Variants in UBR3 observed in about 807,000 individuals in gnomAD.
UBR3 encodes the protein ubiquitin protein ligase E3 component n-recognin 3.
Under a neutral mutation model 243.2 loss-of-function variants are expected in UBR3, and 85 were observed. The ratio of observed to expected loss-of-function variants is 0.35; its 90% CI spans 0.29 to 0.42. The LOEUF is 0.42. Among genes scored for constraint, UBR3 ranks in the 10% least tolerant of loss-of-function variants. UBR3 has a pLI of 1.00. For missense variants in UBR3, 1,686 were observed against 2,300.8 expected, an observed-to-expected ratio of 0.73 and a Z score of 5.47; for synonymous variants, 748 against 799.8, an observed-to-expected ratio of 0.94 and a Z score of 1.09.
intron 9 of UBR3, 68 bp from the exon 10 acceptor site, chr2:169,905,963 T>C: frequency 6.6e-7 from 1 of 1,508,760 alleles, no homozygotes; most frequent in South Asian, 1.3e-5. Context: ...CTGGGAAATG[T>C]ACTTGATATT....
At chr2:170,051,807 T>C (rs1027207915) in intron 32 of UBR3, among the ~76,000 whole-genome samples, 5 of 152,220 alleles carry the variant, frequency 3.3e-5, no homozygotes, top group African/African-American at 1.2e-4. Context: ...TATTAAAATA[T>C]TTCATTAAAT....
At chr2:169,996,693 G>GTTTTTT (rs397871702) in intron 26 of UBR3, among the ~76,000 whole-genome samples, 18 of 64,500 alleles carry the variant, frequency 2.8e-4, no homozygotes, top group African/African-American at 4.0e-4. Flanking sequence ...TTGGACTTTT[G>GTTTTTT]TTTTTTTTTT....
At chr2:169,865,866 C>T (rs2083239864) in intron 1 of UBR3, among the ~76,000 whole-genome samples, 1 of 152,104 alleles carries the variant, frequency 6.6e-6, no homozygotes, top group African/African-American at 2.4e-5. Context: ...AAAGCTTTTA[C>T]AGGCTGGGCA....
chr2:169,894,087 G>T (rs1194849137), intron 6 of UBR3, among the ~76,000 whole-genome samples: 1 of 151,898 alleles, frequency 6.6e-6, no homozygotes, highest in African/African-American at 2.4e-5. Flanking sequence ...TCTGAGTTTT[G>T]AAAATAATTA....
chr2:169,873,546 G>T (rs888629559), intron 2 of UBR3, among the ~76,000 whole-genome samples: 5 of 152,046 alleles, frequency 3.3e-5, no homozygotes, highest in Middle Eastern at 3.4e-3. Flanking sequence ...GGTGGCATGT[G>T]CCTGTAGTCC....
At chr2:170,080,483 C>A in intron 37 of UBR3, 62 bp from the exon 38 acceptor site, 1 of 1,444,640 alleles carries the variant, frequency 6.9e-7, no homozygotes, top group Non-Finnish European at 9.3e-7. Flanking sequence ...TTAATATATT[C>A]TTGATTTTAT....
rs1436744103 is a variant in UBR3, at chr2:170,082,907, G to C, written c.*1064G>C. 1 of 152,476 alleles carries C rather than the reference G, an allele frequency of 6.6e-6. No homozygotes were observed. Among genetic ancestry groups the C allele is most frequent in the African/African-American group, 2.4e-5 (1 of 41,410 alleles). The allele number at this position is 152,476 out of a possible 1,614,324, so 9.4% of individuals were successfully genotyped here. A position where few individuals can be genotyped will look rare whatever the true frequency, so the allele number is the denominator to read the frequency against. On this transcript the variant is annotated 3_prime_UTR_variant, in exon 39 of 39. Transcript: ENST00000272793. ...GAGCCACGCTTCTGCATTCTTCTTA[G>C]AAACTGCTGTGAAAAACAATTTATG... is the stretch of plus-strand genomic sequence containing the variant.
chr2:170,016,165 GT>G (rs2090230744), intron 30 of UBR3, among the ~76,000 whole-genome samples: 1 of 151,664 alleles, frequency 6.6e-6, no homozygotes, highest in Non-Finnish European at 1.5e-5. Context: ...ATACATGTTG[GT>G]TTTTTAACAA....
At chr2:169,958,330 G>C in intron 23 of UBR3, 108 bp from the exon 24 acceptor site, 2 of 839,206 alleles carry the variant, frequency 2.4e-6, no homozygotes, top group Middle Eastern at 2.4e-4. Flanking sequence ...AAAATAGATT[G>C]TTCTCACCTG....
chr2:169,994,515 A>G, intron 26 of UBR3, 59 bp downstream of exon 26: 1 of 1,527,496 alleles, frequency 6.5e-7, no homozygotes, highest in South Asian at 1.3e-5. Context: ...ATTTCCCTCC[A>G]GAATTTTACA....
intron 24 of UBR3, among the ~76,000 whole-genome samples, chr2:169,974,402 A>G (rs779720254): frequency 6.6e-6 from 1 of 152,072 alleles, no homozygotes; most frequent in African/African-American, 2.4e-5. Context: ...GGTAGGTTGT[A>G]TGTGTCCAGG....
At chr2:169,983,068 A>G (rs1296458629) in intron 24 of UBR3, among the ~76,000 whole-genome samples, 3 of 138,568 alleles carry the variant, frequency 2.2e-5, no homozygotes, top group African/African-American at 7.9e-5. Flanking sequence ...TCTCATGGAG[A>G]TGGTAGAGTT....
At chr2:169,870,725 C>T (rs1380577995) in intron 1 of UBR3, among the ~76,000 whole-genome samples, 3 of 151,870 alleles carry the variant, frequency 2.0e-5, no homozygotes, top group African/African-American at 7.3e-5. Context: ...ACGGTCTTGG[C>T]TCACTGCAAC....
chr2:170,022,878 A>T (rs2090429621), intron 30 of UBR3, among the ~76,000 whole-genome samples: 1 of 152,072 alleles, frequency 6.6e-6, no homozygotes, highest in Non-Finnish European at 1.5e-5. Context: ...CCAGATCTAC[A>T]GATGTTCCCT....
chr2:170,039,733 C>CT (rs2090919193), intron 31 of UBR3, among the ~76,000 whole-genome samples: 1 of 152,132 alleles, frequency 6.6e-6, no homozygotes, highest in African/African-American at 2.4e-5. Context: ...TTAAGATTTA[C>CT]TTTTCTTCTC....
In UBR3 at chr2:170,073,410, C is replaced by CTATT. The variant is rs753582176; in HGVS notation, c.5020-16_5020-13dup. The CTATT allele has an allele frequency of 1.3e-5, 21 of 1,612,386 alleles. No homozygotes were observed. In the South Asian group the frequency reaches 2.3e-4, roughly 18 times the overall value. On this transcript the variant is annotated splice_polypyrimidine_tract_variant and intron_variant, in intron 35 of 38. Coordinates refer to ENST00000272793, the MANE Select transcript of UBR3 (RefSeq NM_172070.4). ...CTTGATGAAATATTTTCAGAATTTC[C>CTATT]TATTTCATGTCTAAAAGGAAGAAGA... is the stretch of plus-strand genomic sequence containing the variant.
At position 169,921,480 on chromosome 2, in the gene UBR3, G is replaced by A. The variant is rs115389162; in HGVS notation, c.1867-2449G>A. On this transcript the variant is annotated intron_variant, in intron 11 of 38. Coordinates refer to ENST00000272793, the MANE Select transcript of UBR3 (RefSeq NM_172070.4). ...ACAAGGAAGGAATATGGACTTTAAC[G>A]TTATGGAGAATGTGAACATAGGATA... Among the ~76,000 whole-genome samples the A allele has an allele frequency of 2.8e-3, 431 of 152,322 alleles. 4 individuals are homozygous for A. The highest frequency in any genetic ancestry group is 9.9e-3 in the African/African-American group (410 of 41,556).
intron 24 of UBR3, among the ~76,000 whole-genome samples, chr2:169,983,561 C>T (rs2088856419): frequency 6.6e-6 from 1 of 152,090 alleles, no homozygotes. Context: ...TGCGCCCATC[C>T]TCCACATTCT....
At chr2:170,081,631 A>G (rs1043731508) in intron 38 of UBR3, 95 bp from the exon 39 acceptor site, 102 of 846,990 alleles carry the variant, frequency 1.2e-4, no homozygotes, top group Non-Finnish European at 1.6e-4. Context: ...CGGAGGTTGC[A>G]CTGCGAGAGA....
Sources: gnomAD v4.1 joint callset for allele counts (sites outside exome capture counted in the v4.1 genomes callset) on GRCh38, gnomAD v4.1.1 for gene constraint, MANE v1.5 for transcripts, NCBI Gene and HGNC (gene_info 2026-07-23, HGNC 2026-07-21) for gene names.